The following SLC33A1 variants were observed in gnomAD, a reference collection of about 807,000 sequenced individuals.
SLC33A1 encodes the protein solute carrier family 33 member 1.
In SLC33A1, 20 loss-of-function variants were observed where a neutral mutation model predicts 50.0. The ratio of observed to expected loss-of-function variants is 0.40; its 90% confidence interval spans 0.28 to 0.58. The LOEUF is 0.58. Ranked by LOEUF, SLC33A1 falls within the 20% of genes least tolerant of loss-of-function variation. The probability of loss-of-function intolerance (pLI) is 0.44; values close to 1 mark genes in which losing one functional copy is unlikely to be tolerated. For synonymous variants in SLC33A1, 265 were observed against 251.8 expected (o/e 1.05, Z -0.50); for missense variants, 476 against 657.0 (o/e 0.72, Z 3.01).
At chr3:155,834,098 C>A in intron 2 of SLC33A1, 57 bp from the exon 3 acceptor site, 1 of 1,423,472 alleles carries the variant, frequency 7.0e-7, no homozygotes, top group South Asian at 1.2e-5. Flanking sequence ...TATTTTCCTC[C>A]ATGCATATGT....
At chr3:155,849,249 TA>T (rs1339155609) in intron 1 of SLC33A1, among the ~76,000 whole-genome samples, 1 of 152,102 alleles carries the variant, frequency 6.6e-6, no homozygotes, top group East Asian at 1.9e-4. Context: ...AGAAAACAAT[TA>T]CGCTTCCTTT....
intron 1 of SLC33A1, among the ~76,000 whole-genome samples, chr3:155,849,022 A>C (rs1452064421): frequency 6.6e-6 from 1 of 151,886 alleles, no homozygotes; most frequent in African/African-American, 2.4e-5. Context: ...AAGTGATTCT[A>C]GTGCCTTAGC....
chr3:155,824,574 T>C lies in SLC33A1; in HGVS notation c.*3636A>G, dbSNP rs1752159959. Reference sequence around the variant, plus strand: ...TTCAAGTTCAATACAGTATAACATATGCAGAGATTTTATAGTTTTTATCAT... The same window carrying C: ...TTCAAGTTCAATACAGTATAACATACGCAGAGATTTTATAGTTTTTATCAT... On this transcript the variant is annotated 3_prime_UTR_variant, in exon 6 of 6. Transcript: ENST00000643144. 2.0e-5 allele frequency: 3 copies of C among 152,078 alleles called. No individual in the cohort carries two copies. The highest frequency in any genetic ancestry group is 2.0e-4 in the Admixed American group (3 of 15,254). The allele number at this position is 152,078 out of a possible 1,614,324, so 9.4% of individuals were successfully genotyped here. A position where few individuals can be genotyped will look rare whatever the true frequency, so the allele number is the denominator to read the frequency against.
In SLC33A1 at chr3:155,824,993, T is replaced by G. The variant is rs1752169768; in HGVS notation, c.*3217A>C. ...GCTTACACCTGTAATCCCAGCATTT[T>G]GAGAGGTCAAGGCTGGACGACTGCT... On this transcript the variant is annotated 3_prime_UTR_variant, in exon 6 of 6. Coordinates refer to ENST00000643144, the MANE Select transcript of SLC33A1 (RefSeq NM_004733.4). 4 of 152,212 alleles carry G rather than the reference T, an allele frequency of 2.6e-5. No individual in the cohort carries two copies. In the South Asian group the frequency reaches 8.3e-4, roughly 32 times the overall value. 9.4% of individuals were successfully genotyped at this position (152,212 alleles called of 1,614,324 possible).
Position 155,854,110 on chromosome 3 carries a change from G to T in SLC33A1, c.-113C>A. On this transcript the variant is annotated 5_prime_UTR_variant, in exon 1 of 6. Transcript: ENST00000643144. ...GGACCAGGGTTTCGGTGGTTCACGG[G>T]ATGGTGGCAGGGCTCAGAGCGATAA... 1.2e-6 allele frequency: 1 copy of T among 821,412 alleles called. No individual in the cohort carries two copies. The highest frequency in any genetic ancestry group is 3.7e-4 in the Middle Eastern group (1 of 2,736). The allele number at this position is 821,412 out of a possible 1,614,324, so 50.9% of individuals were successfully genotyped here. A position where few individuals can be genotyped will look rare whatever the true frequency, so the allele number is the denominator to read the frequency against.
At chr3:155,828,398 T>C (rs750642690) in intron 5 of SLC33A1, 21 bp from the exon 6 acceptor site, 4 of 1,458,620 alleles carry the variant, frequency 2.7e-6, no homozygotes, top group Non-Finnish European at 3.8e-6. Flanking sequence ...AAAACTATAA[T>C]AAATACTCCA....
chr3:155,829,565 T>C, intron 5 of SLC33A1, 123 bp downstream of exon 5: 1 of 732,564 alleles, frequency 1.4e-6, no homozygotes, highest in Non-Finnish European at 2.3e-6. Flanking sequence ...ATATGTAGAT[T>C]TCTAAACCAG....
chr3:155,836,280 CAAAAAAAAAAAAAAAAA>C lies in SLC33A1; in HGVS notation c.964-2256_964-2240del, dbSNP rs57460942. Reference sequence around the variant, plus strand: ...GCCTGGTGACAGAGTGAGACTCTGTCAAAAAAAAAAAAAAAAAAAAAAAAAAAAAAAAAGGAAAGAAA... The same window carrying C: ...GCCTGGTGACAGAGTGAGACTCTGTCAAAAAAAAAAAAAAAAGGAAAGAAA... On this transcript the variant is annotated intron_variant, in intron 2 of 5. Transcript: ENST00000643144. Among the ~76,000 whole-genome samples, 86 of 27,180 alleles carry C rather than the reference CAAAAAAAAAAAAAAAAA, an allele frequency of 3.2e-3. 1 individual carries two copies. Among genetic ancestry groups the C allele is most frequent in the African/African-American group, 9.5e-3 (68 of 7,124 alleles). The allele number at this position is 27,180 out of a possible 152,430, so 17.8% of individuals were successfully genotyped here. A position where few individuals can be genotyped will look rare whatever the true frequency, so the allele number is the denominator to read the frequency against.
chr3:155,834,216 T>A (rs1035403306), intron 2 of SLC33A1, among the ~76,000 whole-genome samples, 175 bp from the exon 3 acceptor site: 2 of 152,204 alleles, frequency 1.3e-5, no homozygotes, highest in African/African-American at 4.8e-5. Context: ...ACATTTTGCC[T>A]TATGGTTTTC....
intron 4 of SLC33A1, among the ~76,000 whole-genome samples, chr3:155,830,407 A>T (rs4602344): frequency 0.2 from 29,848 of 151,608 alleles, 7,578 homozygotes; most frequent in African/African-American, 0.58. Context: ...AATAAATAAA[A>T]AAAAAGATCC....
chr3:155,851,281 T>A (rs1753390168), intron 1 of SLC33A1, among the ~76,000 whole-genome samples: 1 of 152,042 alleles, frequency 6.6e-6, no homozygotes, highest in Admixed American at 6.6e-5. Context: ...TTGCACTCTG[T>A]TGACCAGGCT....
chr3:155,848,441 G>A (rs1274509758), intron 1 of SLC33A1, among the ~76,000 whole-genome samples: 1 of 152,304 alleles, frequency 6.6e-6, no homozygotes, highest in East Asian at 1.9e-4. Flanking sequence ...CAAGCACTTT[G>A]GGAGGCCGAG....
Position 155,828,199 on chromosome 3 carries a change from T to G in SLC33A1, c.*11A>C. The G allele has an allele frequency of 6.3e-7, 1 of 1,591,332 alleles. No individual in the cohort carries two copies. Among genetic ancestry groups the G allele is most frequent in the Non-Finnish European group, 8.6e-7 (1 of 1,159,348 alleles). On this transcript the variant is annotated 3_prime_UTR_variant, in exon 6 of 6. Transcript: ENST00000643144. ...ACAATTACCTTGCTAGAATGTCCAG[T>G]AGCATATATATTAATTGTTCCTTTT...
At chr3:155,844,813 C>T (rs926002546) in intron 1 of SLC33A1, 2 of 151,764 alleles carry the variant, frequency 1.3e-5, no homozygotes, top group Non-Finnish European at 2.9e-5. Flanking sequence ...GAATCTGGTT[C>T]GAAAGGAATG....
In SLC33A1 at chr3:155,827,416, T is replaced by C. The variant is rs1340961673; in HGVS notation, c.*794A>G. The C allele has an allele frequency of 1.3e-5, 2 of 152,214 alleles. No homozygotes were observed. Among genetic ancestry groups the C allele is most frequent in the Non-Finnish European group, 1.5e-5 (1 of 68,024 alleles). The allele number at this position is 152,214 out of a possible 1,614,324, so 9.4% of individuals were successfully genotyped here. A position where few individuals can be genotyped will look rare whatever the true frequency, so the allele number is the denominator to read the frequency against. On this transcript the variant is annotated 3_prime_UTR_variant, in exon 6 of 6. Transcript: ENST00000643144. ...AATTTGATCCCCTCCATTGGCTGTCTGTGTGCCAGGAAGCACTTGTGACAG... is the reference window on the plus strand; with the variant it reads ...AATTTGATCCCCTCCATTGGCTGTCCGTGTGCCAGGAAGCACTTGTGACAG...
intron 1 of SLC33A1, among the ~76,000 whole-genome samples, chr3:155,846,428 G>C (rs1020335295): frequency 6.6e-6 from 1 of 151,310 alleles, no homozygotes; most frequent in East Asian, 1.9e-4. Flanking sequence ...CATGAGGTCT[G>C]GAACATAGAT....
rs1432775853 is a variant in SLC33A1 at position 155,842,529 on chromosome 3, T to C, written c.866A>G (p.Glu289Gly). Reference protein sequence around the residue: ...KKENEVSVVKEETQGITDTYK... With the variant: ...KKENEVSVVKGETQGITDTYK... Reference sequence around the variant, plus strand: ...AGTATCTGTGATCCCTTGTGTTTCTTCTTTTACTACTGATACTTCGTTTTC... The same window carrying C: ...AGTATCTGTGATCCCTTGTGTTTCTCCTTTTACTACTGATACTTCGTTTTC... Residue 289 changes from glutamate (E) to glycine (G), a missense_variant, in exon 2 of 6, where the codon GAA becomes GGA. Coordinates refer to ENST00000643144, the MANE Select transcript of SLC33A1 (RefSeq NM_004733.4). 7.5e-6 allele frequency: 12 copies of C among 1,608,966 alleles called. No homozygotes were observed. The highest frequency in any genetic ancestry group is 9.4e-6 in the Non-Finnish European group (11 of 1,176,306).
intron 4 of SLC33A1, among the ~76,000 whole-genome samples, chr3:155,832,545 G>C (rs1752481266): frequency 6.6e-6 from 1 of 151,768 alleles, no homozygotes; most frequent in Non-Finnish European, 1.5e-5. Context: ...AGCTAAGCCA[G>C]GGCCGGGTAT....
At chr3:155,839,482 A>G (rs1752840912) in intron 2 of SLC33A1, among the ~76,000 whole-genome samples, 1 of 151,744 alleles carries the variant, frequency 6.6e-6, no homozygotes, top group South Asian at 2.1e-4. Context: ...TAAAAACATA[A>G]GCAAAATAGA....
Sources: allele counts gnomAD v4.1 joint callset (sites outside exome capture counted in the v4.1 genomes callset), GRCh38; gene constraint gnomAD v4.1.1; transcripts MANE v1.5; gene names NCBI Gene and HGNC (gene_info 2026-07-23, HGNC 2026-07-21).